The following CUX2 variants were observed in gnomAD, a reference collection of about 807,000 sequenced individuals.
CUX2 encodes cut like homeobox 2.
In CUX2, 40 loss-of-function variants were observed where a neutral mutation model predicts 144.8. The observed-to-expected ratio is 0.28, with a 90% CI of 0.21 to 0.36. CUX2 has a LOEUF of 0.36. CUX2 is among the 10% of genes least tolerant of loss of function. The pLI, the probability that CUX2 is intolerant of heterozygous loss-of-function variation, is 1.00. For synonymous variants in CUX2, 827 were observed against 875.6 expected, an observed-to-expected ratio of 0.94 and a Z score of 0.98; for missense variants, 1,615 against 1,994.0, an observed-to-expected ratio of 0.81 and a Z score of 3.62.
At chr12:111,047,083 C>A (rs940123837) in intron 1 of CUX2, among the ~76,000 whole-genome samples, 1 of 152,220 alleles carries the variant, frequency 6.6e-6, no homozygotes, top group African/African-American at 2.4e-5. Flanking sequence ...CGGTTCCCAG[C>A]GTGTCTCCCA....
At chr12:111,122,850 C>T (rs973696380) in intron 1 of CUX2, among the ~76,000 whole-genome samples, 5 of 152,206 alleles carry the variant, frequency 3.3e-5, no homozygotes, top group African/African-American at 1.2e-4. Flanking sequence ...GACTGACCCA[C>T]CCCGCCCTGT....
At position 111,304,602 on chromosome 12, in the gene CUX2, C is replaced by T. The variant is rs1339119350; in HGVS notation, c.858+288C>T. ...TTCCAGTATCTTCCTTTGGAGGCCT[C>T]CCTTATCCCCAATTATCCAAGAATG... On this transcript the variant is annotated intron_variant, in intron 10 of 21. Coordinates refer to ENST00000261726, the MANE Select transcript of CUX2 (RefSeq NM_015267.4). This position sits in a 1 kb window ranked among gnomAD's most constrained non-coding sequence, Gnocchi z 4.7. Among the ~76,000 whole-genome samples the T allele has an allele frequency of 1.3e-5, 2 of 152,202 alleles. No homozygotes were observed. The highest frequency in any genetic ancestry group is 2.9e-5 in the Non-Finnish European group (2 of 68,038).
intron 4 of CUX2, among the ~76,000 whole-genome samples, chr12:111,279,947 A>C (rs899610555): frequency 5.3e-5 from 8 of 151,792 alleles, no homozygotes; most frequent in Non-Finnish European, 7.4e-5. Flanking sequence ...GCGCCACTGC[A>C]CTCCAGCCTG....
intron 4 of CUX2, among the ~76,000 whole-genome samples, chr12:111,285,773 G>A (rs922698013): frequency 6.6e-6 from 1 of 152,198 alleles, no homozygotes; most frequent in East Asian, 1.9e-4. Flanking sequence ...ATTCTAATCC[G>A]TGGAAAGGGC....
intron 1 of CUX2, among the ~76,000 whole-genome samples, chr12:111,050,306 A>C: frequency 6.6e-6 from 1 of 150,630 alleles, no homozygotes; most frequent in Non-Finnish European, 1.5e-5. Context: ...ATCTCTTCTC[A>C]CTCTGTGCCC....
At chr12:111,081,063 G>A (rs1321179246) in intron 1 of CUX2, among the ~76,000 whole-genome samples, 1 of 152,098 alleles carries the variant, frequency 6.6e-6, no homozygotes. Flanking sequence ...GGCCAGTAGT[G>A]GGAGTGTTTC....
chr12:111,159,840 C>T (rs1332799465), intron 1 of CUX2, among the ~76,000 whole-genome samples: 3 of 152,210 alleles, frequency 2.0e-5, no homozygotes, highest in Non-Finnish European at 4.4e-5. Context: ...GCCTGGCCAA[C>T]ATGGTGAAAC....
At chr12:111,055,519 T>G (rs982544934) in intron 1 of CUX2, among the ~76,000 whole-genome samples, 2 of 152,262 alleles carry the variant, frequency 1.3e-5, no homozygotes, top group African/African-American at 4.8e-5. Context: ...AAAAAAATTA[T>G]TCTCTGAGCA....
At chr12:111,112,908 G>C (rs1218426144) in intron 1 of CUX2, among the ~76,000 whole-genome samples, 2 of 152,218 alleles carry the variant, frequency 1.3e-5, no homozygotes, top group Non-Finnish European at 2.9e-5. Flanking sequence ...CCCCGGCTGG[G>C]TTCAGCGTCT....
intron 4 of CUX2, among the ~76,000 whole-genome samples, chr12:111,274,729 C>A (rs552195042): frequency 6.6e-6 from 1 of 152,212 alleles, no homozygotes; most frequent in African/African-American, 2.4e-5. Flanking sequence ...CTCCCACCCC[C>A]GCAGGCGCCC....
chr12:111,147,600 T>A (rs1029874678), intron 1 of CUX2, among the ~76,000 whole-genome samples: 17 of 152,160 alleles, frequency 1.1e-4, no homozygotes, highest in Admixed American at 5.9e-4. Context: ...GGCCCCCAGA[T>A]TGCTCGATTG....
intron 14 of CUX2, among the ~76,000 whole-genome samples, chr12:111,309,168 G>A (rs1307458946): frequency 6.6e-6 from 1 of 152,108 alleles, no homozygotes; most frequent in South Asian, 2.1e-4. Context: ...GCCTCCCAAA[G>A]TGCTGGGATT....
intron 1 of CUX2, among the ~76,000 whole-genome samples, chr12:111,063,282 T>C (rs1272825778): frequency 6.6e-6 from 1 of 152,146 alleles, no homozygotes; most frequent in East Asian, 1.9e-4. Flanking sequence ...ATTATTTACC[T>C]AGGGGCTTGT....
At position 111,317,418 on chromosome 12, in the gene CUX2, A is replaced by ATG. The variant is rs1331492085; in HGVS notation, c.2003-2590_2003-2589dup. Among the ~76,000 whole-genome samples, 43 of 151,886 alleles carry ATG rather than the reference A, an allele frequency of 2.8e-4. 1 individual carries two copies. Among genetic ancestry groups the ATG allele is most frequent in the South Asian group, 8.3e-4 (4 of 4,808 alleles). ...TGTGTACACACGTGCATATATATAT[A>ATG]TGTGTATATATGTGTGTGTATATTC... On this transcript the variant is annotated intron_variant, in intron 16 of 21. Coordinates refer to ENST00000261726, the MANE Select transcript of CUX2 (RefSeq NM_015267.4).
chr12:111,291,906 C>T (rs949271982), intron 5 of CUX2, among the ~76,000 whole-genome samples: 3 of 152,136 alleles, frequency 2.0e-5, no homozygotes, highest in Non-Finnish European at 1.5e-5. Flanking sequence ...GTGACGAATT[C>T]AGCACCAAAA....
chr12:111,098,723 T>C (rs1447587837), intron 1 of CUX2, among the ~76,000 whole-genome samples: 2 of 152,236 alleles, frequency 1.3e-5, no homozygotes, highest in African/African-American at 4.8e-5. Flanking sequence ...CCTCCCTCTC[T>C]CTAGCAAGGA....
intron 1 of CUX2, among the ~76,000 whole-genome samples, chr12:111,134,620 C>CTGTGTGTG (rs750270262): frequency 2.8e-5 from 4 of 142,130 alleles, no homozygotes; most frequent in East Asian, 2.0e-4. Flanking sequence ...CTCTCTCTCT[C>CTGTGTGTG]TGTGTGTGTG....
intron 4 of CUX2, among the ~76,000 whole-genome samples, chr12:111,271,228 C>T (rs1884633879): frequency 6.6e-6 from 1 of 152,182 alleles, no homozygotes; most frequent in African/African-American, 2.4e-5. Context: ...TTAAATTTGT[C>T]TCCTCGATTA....
intron 1 of CUX2, among the ~76,000 whole-genome samples, chr12:111,200,177 T>A (rs1880493043): frequency 6.6e-6 from 1 of 152,040 alleles, no homozygotes; most frequent in Non-Finnish European, 1.5e-5. Flanking sequence ...ATCCGAGCCC[T>A]GTCTTTGAAC....
Sources: gnomAD v4.1 joint callset for allele counts (sites outside exome capture counted in the v4.1 genomes callset) on GRCh38, gnomAD v4.1.1 for gene constraint, Gnocchi (gnomAD v3.1) non-coding constraint, MANE v1.5 for transcripts, NCBI Gene and HGNC (gene_info 2026-07-23, HGNC 2026-07-21) for gene names.